The following ANKS1B variants were observed in gnomAD, a reference collection of about 807,000 sequenced individuals.
ANKS1B encodes the protein ankyrin repeat and sterile alpha motif domain-containing protein 1B.
ANKS1B carries 36 observed loss-of-function variants against 148.3 expected under a neutral mutation model. That is an observed-to-expected ratio of 0.24 (90% CI 0.19 to 0.32). The LOEUF (loss-of-function observed/expected upper bound fraction) is 0.32, where lower values mean the gene tolerates loss of function less well. ANKS1B is among the 10% of genes least tolerant of loss of function. The pLI, the probability that ANKS1B is intolerant of heterozygous loss-of-function variation, is 1.00. For synonymous variants in ANKS1B, 542 were observed against 560.8 expected, an observed-to-expected ratio of 0.97 and a Z score of 0.47; for missense variants, 1,157 against 1,542.6, an observed-to-expected ratio of 0.75 and a Z score of 4.19.
intron 14 of ANKS1B, among the ~76,000 whole-genome samples, chr12:99,199,736 T>G (rs79411044): frequency 2.0e-5 from 3 of 152,104 alleles, no homozygotes; most frequent in Non-Finnish European, 4.4e-5. Flanking sequence ...GAGAGAGAGA[T>G]AGAAGGTAGA....
chr12:99,343,160 C>T (rs1319327426), intron 12 of ANKS1B, among the ~76,000 whole-genome samples: 1 of 151,958 alleles, frequency 6.6e-6, no homozygotes, highest in South Asian at 2.1e-4. Flanking sequence ...TTAACTTACA[C>T]ATATATCTTT....
At position 98,743,976 on chromosome 12, in the gene ANKS1B, C is replaced by A. The variant is rs1160137096; in HGVS notation, c.*1763G>T. The A allele has an allele frequency of 2.2e-5, 22 of 981,298 alleles. No homozygotes were observed. Among genetic ancestry groups the A allele is most frequent in the Non-Finnish European group, 2.7e-5 (22 of 826,300 alleles). 60.8% of individuals were successfully genotyped at this position (981,298 alleles called of 1,614,324 possible). A position where few individuals can be genotyped will look rare whatever the true frequency, so the allele number is the denominator to read the frequency against. ...CACAGAACGATGCCAAGCACCACTGCTGTACAACTTCTGTTTTATTTTTGT... is the reference window on the plus strand; with the variant it reads ...CACAGAACGATGCCAAGCACCACTGATGTACAACTTCTGTTTTATTTTTGT... On this transcript the variant is annotated 3_prime_UTR_variant, in exon 27 of 27. Transcript: ENST00000683438.
At chr12:99,178,151 T>C (rs2078632940) in intron 14 of ANKS1B, among the ~76,000 whole-genome samples, 1 of 152,236 alleles carries the variant, frequency 6.6e-6, no homozygotes, top group Non-Finnish European at 1.5e-5. Context: ...AACGCCATAC[T>C]CTTCTGTAAG....
intron 17 of ANKS1B, among the ~76,000 whole-genome samples, chr12:98,907,007 GTGTGTGTGT>G (rs2099780093): frequency 1.5e-4 from 1 of 6,776 alleles, no homozygotes; most frequent in African/African-American, 2.1e-4. Flanking sequence ...TAGTTACTCT[GTGTGTGTGT>G]GTGTGTGTGT....
At chr12:98,848,738 G>T (rs544985508) in intron 17 of ANKS1B, among the ~76,000 whole-genome samples, 14 of 21,120 alleles carry the variant, frequency 6.6e-4, no homozygotes, top group East Asian at 5.6e-3. Flanking sequence ...TTCTGTGTAT[G>T]TGTGGTTTTT....
chr12:98,862,977 C>T (rs1354040620), intron 17 of ANKS1B, among the ~76,000 whole-genome samples: 1 of 152,134 alleles, frequency 6.6e-6, no homozygotes, highest in Non-Finnish European at 1.5e-5. Context: ...GCATGAAAAC[C>T]AACAGATCAT....
chr12:99,552,595 T>C lies in ANKS1B; in HGVS notation c.1273-47954A>G, dbSNP rs1321521399. On this transcript the variant is annotated intron_variant, in intron 9 of 26. Coordinates refer to ENST00000683438, the MANE Select transcript of ANKS1B (RefSeq NM_001352186.2). ...GCTCTATGATAAACACATTTTATCT[T>C]TCTAAAGTTATATTATGGCTGGGAA... Among the ~76,000 whole-genome samples the C allele has an allele frequency of 2.0e-5, 3 of 150,684 alleles. No individual in the cohort carries two copies. In the East Asian group the frequency reaches 6.2e-4, roughly 31 times the overall value.
intron 1 of ANKS1B, among the ~76,000 whole-genome samples, chr12:99,901,092 T>TA (rs1455126638): frequency 6.6e-6 from 1 of 152,126 alleles, no homozygotes; most frequent in Non-Finnish European, 1.5e-5. Context: ...AATCACGAGT[T>TA]AAAAAAATAG....
chr12:99,509,231 C>T (rs1179795468), intron 9 of ANKS1B, among the ~76,000 whole-genome samples: 1 of 151,774 alleles, frequency 6.6e-6, no homozygotes, highest in Non-Finnish European at 1.5e-5. Context: ...AATTAGTAAC[C>T]CTTCAATGGC....
At chr12:99,030,848 A>C (rs1274170235) in intron 17 of ANKS1B, among the ~76,000 whole-genome samples, 1 of 152,194 alleles carries the variant, frequency 6.6e-6, no homozygotes, top group Non-Finnish European at 1.5e-5. Context: ...AAAATTATAC[A>C]TATGCAAAGA....
At chr12:99,291,951 C>T (rs1203866047) in intron 12 of ANKS1B, among the ~76,000 whole-genome samples, 2 of 152,158 alleles carry the variant, frequency 1.3e-5, no homozygotes, top group Non-Finnish European at 2.9e-5. Flanking sequence ...ACTGGCTAGG[C>T]ATATGTAGAA....
chr12:99,418,738 A>T (rs2094987846), intron 11 of ANKS1B, among the ~76,000 whole-genome samples: 1 of 152,182 alleles, frequency 6.6e-6, no homozygotes. Context: ...CTTAGAAAGA[A>T]AGTCTTCATG....
chr12:99,518,020 T>C (rs1303765146), intron 9 of ANKS1B, among the ~76,000 whole-genome samples: 1 of 152,210 alleles, frequency 6.6e-6, no homozygotes, highest in Non-Finnish European at 1.5e-5. Context: ...ATGTATTATA[T>C]TGGTTGATTT....
intron 4 of ANKS1B, among the ~76,000 whole-genome samples, chr12:99,800,251 G>A (rs913276772): frequency 1.5e-4 from 23 of 152,096 alleles, no homozygotes; most frequent in Admixed American, 4.6e-4. Flanking sequence ...AAGAAAGGCC[G>A]TGTGAGGATA....
intron 10 of ANKS1B, among the ~76,000 whole-genome samples, chr12:99,474,638 T>A (rs916689298): frequency 6.6e-6 from 1 of 151,956 alleles, no homozygotes; most frequent in Non-Finnish European, 1.5e-5. Context: ...TATTAAAATA[T>A]ATAAGGTCAT....
At chr12:99,395,980 T>G (rs1388320817) in intron 12 of ANKS1B, among the ~76,000 whole-genome samples, 2 of 152,190 alleles carry the variant, frequency 1.3e-5, no homozygotes, top group African/African-American at 4.8e-5. Flanking sequence ...GGCATAAGCT[T>G]GGTCAGCTAC....
intron 12 of ANKS1B, among the ~76,000 whole-genome samples, chr12:99,383,616 T>C (rs1446001257): frequency 6.6e-6 from 1 of 152,164 alleles, no homozygotes; most frequent in Admixed American, 6.5e-5. Flanking sequence ...TACCTCCCTT[T>C]ACAGGTCTTC....
chr12:99,926,910 AC>A (rs2094491544), intron 1 of ANKS1B, among the ~76,000 whole-genome samples: 1 of 152,042 alleles, frequency 6.6e-6, no homozygotes, highest in Admixed American at 6.6e-5. Context: ...ACACATTCCT[AC>A]CCCACCTCTG....
At chr12:99,439,111 C>CA (rs1191202300) in intron 11 of ANKS1B, among the ~76,000 whole-genome samples, 1 of 151,562 alleles carries the variant, frequency 6.6e-6, no homozygotes, top group Non-Finnish European at 1.5e-5. Flanking sequence ...CAGTAAATAA[C>CA]AATTTTTTTC....
Sources: gnomAD v4.1 joint callset for allele counts (sites outside exome capture counted in the v4.1 genomes callset) on GRCh38, gnomAD v4.1.1 for gene constraint, MANE v1.5 for transcripts, NCBI Gene and HGNC (gene_info 2026-07-23, HGNC 2026-07-21) for gene names.